Variants in SELENBP1 observed in about 807,000 individuals in gnomAD.
SELENBP1 encodes selenium binding protein 1.
In SELENBP1, 71 loss-of-function variants were observed where a neutral mutation model predicts 61.0. The ratio of observed to expected loss-of-function variants is 1.16; its 90% CI spans 0.96 to 1.42. The LOEUF is 1.42. SELENBP1 is among the 40% of genes most tolerant of loss of function. The probability of loss-of-function intolerance (pLI) is 0.00; values close to 1 mark genes in which losing one functional copy is unlikely to be tolerated. For synonymous variants in SELENBP1, 270 were observed against 238.9 expected (o/e 1.13, Z -1.20); for missense variants, 561 against 605.0 (o/e 0.93, Z 0.76).
Position 151,366,704 on chromosome 1 carries a change from A to G in SELENBP1, c.664+18T>C, listed in dbSNP as rs1651838205. 1.2e-6 allele frequency: 2 copies of G among 1,610,612 alleles called. No homozygotes were observed. The highest frequency in any genetic ancestry group is 2.2e-5 in the East Asian group (1 of 44,804). ...ATGTAGGCCCAAGGCTCCTGCTGGC[A>G]CATGGGGGGATTCTCACCAGCCTCC... On this transcript the variant is annotated intron_variant, in intron 6 of 11. Transcript: ENST00000368868.
In SELENBP1 at chr1:151,365,614, G is replaced by A; in HGVS notation, c.993C>T (p.Asp331=). 1 of 1,614,148 alleles carries A rather than the reference G, an allele frequency of 6.2e-7. No individual in the cohort carries two copies. Among genetic ancestry groups the A allele is most frequent in the Non-Finnish European group, 8.5e-7 (1 of 1,180,032 alleles). The change falls in exon 9 of 12, where the codon GAC becomes GAT. Residue 331 remains aspartate, a synonymous_variant. Coordinates refer to ENST00000368868, the MANE Select transcript of SELENBP1 (RefSeq NM_003944.4). ...FLYFSNWLHG[D]LRQYDISDPQ... is the part of the protein sequence containing the mutation. ...GGTCAGAGATGTCATACTGCCTCAGGTCCCCATGCAGCCAGTTGCTGAAGT... is the reference window on the plus strand; with the variant it reads ...GGTCAGAGATGTCATACTGCCTCAGATCCCCATGCAGCCAGTTGCTGAAGT...
chr1:151,364,532 G>A lies in SELENBP1; in HGVS notation c.*11C>T, dbSNP rs757826275. 12 of 1,613,762 alleles carry A rather than the reference G, an allele frequency of 7.4e-6. No individual in the cohort carries two copies. In the East Asian group the frequency reaches 2.2e-4, roughly 30 times the overall value. ...GCCCAAAATAGGGAGTGTGGGTGAT[G>A]AGGGTGGAGTTCAAATCCAGATGTC... On this transcript the variant is annotated 3_prime_UTR_variant, in exon 12 of 12. Transcript: ENST00000368868.
At position 151,364,342 on chromosome 1, in the gene SELENBP1, A is replaced by G. The variant is rs768670788; in HGVS notation, c.*201T>C. On this transcript the variant is annotated 3_prime_UTR_variant, in exon 12 of 12. Transcript: ENST00000368868. ...TACGAGTTTATTTCTTGGTGCCTCC[A>G]AGAGCTCATGGAAAAGCAGCACAGT... 1.1e-5 allele frequency: 7 copies of G among 628,540 alleles called. No homozygotes were observed. Among genetic ancestry groups the G allele is most frequent in the Non-Finnish European group, 1.9e-5 (7 of 364,318 alleles). The allele number at this position is 628,540 out of a possible 1,614,324, so 38.9% of individuals were successfully genotyped here.
At chr1:151,371,732 T>G (rs1464329947) in intron 1 of SELENBP1, among the ~76,000 whole-genome samples, 1 of 152,092 alleles carries the variant, frequency 6.6e-6, no homozygotes, top group East Asian at 1.9e-4. Context: ...GAAGTAAAAG[T>G]GCAGAGATGG....
At position 151,369,507 on chromosome 1, in the gene SELENBP1, CTG is replaced by C; in HGVS notation, c.107_108del (p.Thr36ArgfsTer3). ...IVYLPCIYRN[T>X]GTEAPDYLAT... ...GCCAGATAATCTGGGGCCTCAGTGC[CTG>C]TGTTTCGGTAAATGCAGGGCAGGTA... On this transcript the variant is annotated frameshift_variant, in exon 3 of 12. Coordinates refer to ENST00000368868, the MANE Select transcript of SELENBP1 (RefSeq NM_003944.4). LOFTEE classifies it high-confidence loss of function. 6.2e-7 allele frequency: 1 copy of C among 1,612,298 alleles called. No individual in the cohort carries two copies. The highest frequency in any genetic ancestry group is 8.5e-7 in the Non-Finnish European group (1 of 1,179,402).
At chr1:151,371,959 TG>T (rs1652159766) in intron 1 of SELENBP1, among the ~76,000 whole-genome samples, 1 of 152,238 alleles carries the variant, frequency 6.6e-6, no homozygotes. Flanking sequence ...CATGTCAGGC[TG>T]GCTGCTGGGC....
rs774991808 is a variant in SELENBP1 at position 151,369,409 on chromosome 1, C to T, written c.174+33G>A. The T allele has an allele frequency of 7.0e-6, 11 of 1,580,750 alleles. No homozygotes were observed. The South Asian group carries it at 1.1e-4, about 16-fold the overall frequency. On this transcript the variant is annotated intron_variant, in intron 3 of 11. Transcript: ENST00000368868. Reference sequence around the variant, plus strand: ...GGCCAGGGATGAGGGCAGCTATGGTCTCAAAGTAGCTGGCGCCCAAGCCCC... The same window carrying T: ...GGCCAGGGATGAGGGCAGCTATGGTTTCAAAGTAGCTGGCGCCCAAGCCCC...
At position 151,365,251 on chromosome 1, in the gene SELENBP1, CT is replaced by C. The variant is rs1651741758; in HGVS notation, c.1074del (p.Gly359AlafsTer11). On this transcript the variant is annotated frameshift_variant, in exon 10 of 12. Coordinates refer to ENST00000368868, the MANE Select transcript of SELENBP1 (RefSeq NM_003944.4). LOFTEE classifies it high-confidence loss of function. ...QLFLGGSIVK[G>X]GPVQVLEDEE... Reference sequence around the variant, plus strand: ...TCGTCCTCCAGCACTTGCACAGGGCCTCCCTTAACAATGCTGCCTCCGAGGA... The same window carrying C: ...TCGTCCTCCAGCACTTGCACAGGGCCCCCTTAACAATGCTGCCTCCGAGGA... The C allele has an allele frequency of 6.2e-7, 1 of 1,613,266 alleles. No individual in the cohort carries two copies. The highest frequency in any genetic ancestry group is 8.5e-7 in the Non-Finnish European group (1 of 1,179,730).
chr1:151,364,595 G>T lies in SELENBP1; in HGVS notation c.1367C>A (p.Ala456Asp). The T allele has an allele frequency of 6.2e-7, 1 of 1,614,070 alleles. No individual in the cohort carries two copies. Among genetic ancestry groups the T allele is most frequent in the South Asian group, 1.1e-5 (1 of 91,082 alleles). Residue 456 changes from alanine (A) to aspartate (D), a missense_variant, in exon 12 of 12, where the codon GCC becomes GAC. Ala to Asp is a moderately radical substitution (Grantham distance 126). Coordinates refer to ENST00000368868, the MANE Select transcript of SELENBP1 (RefSeq NM_003944.4). ...FGKEPLGPAL[A>D]HELRYPGGDC... ...GCCCCCAGGGTAGCGGAGCTCATGG[G>T]CAAGGGCTGGGCCAAGGGGCTCCTT...
Position 151,364,948 on chromosome 1 carries a change from G to A in SELENBP1, c.1234C>T (p.Gln412Ter). 1 of 1,613,978 alleles carries A rather than the reference G, an allele frequency of 6.2e-7. No individual in the cohort carries two copies. The highest frequency in any genetic ancestry group is 2.2e-5 in the East Asian group (1 of 44,874). ...TTSLYSAWDK[Q>*]FYPDLIREGS... ...CACCTGATGAGATCAGGGTAAAACT[G>A]CTTGTCCCAGGCACTGTACAGCGAC... The change falls in exon 11 of 12, where the codon CAG becomes TAG. Residue 412 changes from glutamine to a stop codon, truncating the protein, a stop_gained. Coordinates refer to ENST00000368868, the MANE Select transcript of SELENBP1 (RefSeq NM_003944.4). LOFTEE classifies it high-confidence loss of function.
intron 10 of SELENBP1, 26 bp from the exon 11 acceptor site, chr1:151,365,070 CA>C: frequency 1.3e-6 from 2 of 1,595,306 alleles, no homozygotes; most frequent in Non-Finnish European, 1.7e-6. Context: ...GGTCAGAGCC[CA>C]GGGTAACACA....
At chr1:151,367,116 G>T in intron 5 of SELENBP1, 1 of 1,305,824 alleles carries the variant, frequency 7.7e-7, no homozygotes, top group Non-Finnish European at 9.9e-7. Flanking sequence ...GCTGAGGCGG[G>T]CGGATCACTT....
chr1:151,369,938 G>C, intron 1 of SELENBP1, 169 bp from the exon 2 acceptor site: 1 of 1,513,584 alleles, frequency 6.6e-7, no homozygotes, highest in Non-Finnish European at 8.9e-7. Flanking sequence ...AGAGCCCTGA[G>C]GAGGGTGAGG....
In SELENBP1 at chr1:151,364,574, C is replaced by A. The variant is rs761569254; in HGVS notation, c.1388G>T (p.Gly463Val). 28 of 1,614,012 alleles carry A rather than the reference C, an allele frequency of 1.7e-5. No individual in the cohort carries two copies. Among genetic ancestry groups the A allele is most frequent in the Non-Finnish European group, 2.2e-5 (26 of 1,180,028 alleles). Residue 463 changes from glycine (G) to valine (V), a missense_variant, in exon 12 of 12, where the codon GGG (glycine) becomes GTG (valine). Transcript: ENST00000368868. ...CCAGATGTCAGAGCTACAATCGCCC[C>A]CAGGGTAGCGGAGCTCATGGGCAAG... ...PALAHELRYP[G>V]GDCSSDIWI
intron 3 of SELENBP1, 84 bp downstream of exon 3, chr1:151,369,358 G>A: frequency 1.4e-6 from 2 of 1,444,280 alleles, no homozygotes; most frequent in Non-Finnish European, 1.9e-6. Context: ...GGCCAAGAAG[G>A]ATGGAGCTGG....
Position 151,365,715 on chromosome 1 carries a change from G to T in SELENBP1, c.923-31C>A, listed in dbSNP as rs745449257. On this transcript the variant is annotated intron_variant, in intron 8 of 11. Coordinates refer to ENST00000368868, the MANE Select transcript of SELENBP1 (RefSeq NM_003944.4). ...GGCAGGGGGCGAGTAGAGCCTTTAAGGACTCTTGTTTCCCAGGCCAAGAAT... is the reference window on the plus strand; with the variant it reads ...GGCAGGGGGCGAGTAGAGCCTTTAATGACTCTTGTTTCCCAGGCCAAGAAT... 3.1e-6 allele frequency: 5 copies of T among 1,614,122 alleles called. No individual in the cohort carries two copies. The Admixed American group carries it at 5.0e-5, about 16-fold the overall frequency.
intron 4 of SELENBP1, among the ~76,000 whole-genome samples, chr1:151,368,552 C>T (rs183565378): frequency 2.4e-4 from 36 of 152,332 alleles, no homozygotes; most frequent in African/African-American, 7.5e-4. Flanking sequence ...GCTGACCTTT[C>T]CCCATGTGTC....
At position 151,369,425 on chromosome 1, in the gene SELENBP1, C is replaced by G; in HGVS notation, c.174+17G>C. 6.2e-7 allele frequency: 1 copy of G among 1,600,824 alleles called. No homozygotes were observed. The highest frequency in any genetic ancestry group is 1.3e-5 in the African/African-American group (1 of 74,874). ...AGCTATGGTCTCAAAGTAGCTGGCGCCCAAGCCCCGCCTAACCTGGCAATA... is the reference window on the plus strand; with the variant it reads ...AGCTATGGTCTCAAAGTAGCTGGCGGCCAAGCCCCGCCTAACCTGGCAATA... On this transcript the variant is annotated intron_variant, in intron 3 of 11. Coordinates refer to ENST00000368868, the MANE Select transcript of SELENBP1 (RefSeq NM_003944.4).
intron 5 of SELENBP1, among the ~76,000 whole-genome samples, chr1:151,367,989 T>A (rs1213716907): frequency 1.3e-5 from 2 of 152,340 alleles, no homozygotes; most frequent in Non-Finnish European, 2.9e-5. Context: ...AACTTTGAAC[T>A]GAATTCATCA....
Sources: allele counts gnomAD v4.1 joint callset (sites outside exome capture counted in the v4.1 genomes callset), GRCh38; gene constraint gnomAD v4.1.1; transcripts MANE v1.5; gene names NCBI Gene and HGNC (gene_info 2026-07-23, HGNC 2026-07-21).